ATRX: variants seen among roughly 807,000 people sequenced by gnomAD.
ATRX encodes the protein ATRX chromatin remodeler, also known as chromatin remodeler ATRX.
ATRX carries 12 observed loss-of-function variants against 172.6 expected under a neutral mutation model. The ratio of observed to expected loss-of-function variants is 0.07; its 90% CI spans 0.04 to 0.11. The LOEUF (loss-of-function observed/expected upper bound fraction) is 0.11. Among genes scored for constraint, ATRX ranks in the 10% least tolerant of loss-of-function variants. The pLI is 1.00. For synonymous variants in ATRX, 674 were observed against 594.7 expected (o/e 1.13, Z -1.94); for missense variants, 1,368 against 1,767.4 (o/e 0.77, Z 4.05).
At chrX:77,611,404 T>C (rs192622877) in intron 22 of ATRX, among the ~76,000 whole-genome samples, 2 of 112,241 alleles carry the variant, frequency 1.8e-5, no homozygotes, top group African/African-American at 6.5e-5. Context: ...TCTTTGTAAA[T>C]TTAGTAGTGT....
chrX:77,769,886 AG>A (rs1194579285), intron 1 of ATRX, among the ~76,000 whole-genome samples: 1 of 109,114 alleles, frequency 9.2e-6, no homozygotes, highest in Non-Finnish European at 1.9e-5. Flanking sequence ...CCTTGAGCTC[AG>A]GGGTTCCAGA....
chrX:77,742,781 A>C (rs1237531442), intron 1 of ATRX, among the ~76,000 whole-genome samples: 1 of 111,735 alleles, frequency 8.9e-6, no homozygotes, highest in Non-Finnish European at 1.9e-5. Context: ...TCCAGTCCTC[A>C]GTAGAGCACC....
At position 77,696,630 on chromosome X, in the gene ATRX, T is replaced by C; in HGVS notation, c.317A>G (p.Asp106Gly). 8.3e-7 allele frequency: 1 copy of C among 1,202,586 alleles called. No individual in the cohort carries two copies. Among genetic ancestry groups the C allele is most frequent in the African/African-American group, 1.7e-5 (1 of 57,730 alleles). ...ATTTTCTGAATTTTCATTAGACGCATCTTCATTTACAGTTTCATCATCCAA... is the reference window on the plus strand; with the variant it reads ...ATTTTCTGAATTTTCATTAGACGCACCTTCATTTACAGTTTCATCATCCAA... ...KPLDDETVNEDASNENSENDI... is the reference protein window; with the variant it reads ...KPLDDETVNEGASNENSENDI... Residue 106 changes from aspartate (D) to glycine (G), a missense_variant, in exon 5 of 35, where the codon GAT (aspartate) becomes GGT (glycine). Coordinates refer to ENST00000373344, the MANE Select transcript of ATRX (RefSeq NM_000489.6).
At chrX:77,639,366 G>C (rs2068544340) in intron 15 of ATRX, among the ~76,000 whole-genome samples, 1 of 111,970 alleles carries the variant, frequency 8.9e-6, no homozygotes, top group Non-Finnish European at 1.9e-5. Flanking sequence ...AAGGACCTAA[G>C]TGTAATAACT....
At chrX:77,710,502 G>C (rs2073057823) in intron 2 of ATRX, among the ~76,000 whole-genome samples, 1 of 110,240 alleles carries the variant, frequency 9.1e-6, no homozygotes, top group Admixed American at 9.7e-5. Context: ...TTTCCTTTGA[G>C]TGTCATGTCA....
At chrX:77,611,220 T>C (rs781836121) in intron 22 of ATRX, among the ~76,000 whole-genome samples, 2 of 111,505 alleles carry the variant, frequency 1.8e-5, no homozygotes, top group East Asian at 5.6e-4. Context: ...AAACAAACCC[T>C]GAGATTAACA....
chrX:77,766,980 G>T (rs1370514388), intron 1 of ATRX, among the ~76,000 whole-genome samples: 2 of 112,550 alleles, frequency 1.8e-5, no homozygotes, highest in East Asian at 5.6e-4. Flanking sequence ...CACCTCGGGA[G>T]GCCGAGGCTG....
chrX:77,693,828 G>T lies in ATRX; in HGVS notation c.480C>A (p.Arg160=). The change falls in exon 6 of 35, where the codon CGC becomes CGA. Residue 160 remains arginine (R), a synonymous_variant. Transcript: ENST00000373344. ...SKMKTENLKK[R]GEDGLHGIVS... ...TTCATTTTCACTTGTATTTACCTCC[G>T]CGTTTTTTGAGATTTTCAGTTTTCA... is the stretch of plus-strand genomic sequence containing the variant. The T allele has an allele frequency of 2.5e-6, 3 of 1,197,515 alleles. No homozygotes were observed. The highest frequency in any genetic ancestry group is 3.4e-6 in the Non-Finnish European group (3 of 883,243).
intron 28 of ATRX, 57 bp downstream of exon 28, chrX:77,574,193 G>C (rs1422458206): frequency 7.3e-5 from 60 of 821,752 alleles, no homozygotes; most frequent in Non-Finnish European, 9.1e-5. Flanking sequence ...TGAACTTTAT[G>C]TAAATTTTAA....
At chrX:77,751,750 C>A (rs185016527) in intron 1 of ATRX, among the ~76,000 whole-genome samples, 83 of 112,172 alleles carry the variant, frequency 7.4e-4, no homozygotes, top group Non-Finnish European at 1.3e-3. Context: ...CCAGTTTTCC[C>A]AGCACCATTT....
intron 12 of ATRX, among the ~76,000 whole-genome samples, chrX:77,657,654 CAAT>C (rs1289190527): frequency 9.0e-6 from 1 of 111,516 alleles, no homozygotes; most frequent in Non-Finnish European, 1.9e-5. Context: ...ATCTCCCTTA[CAAT>C]TACTAAATGT....
At chrX:77,752,949 C>T (rs1358268667) in intron 1 of ATRX, among the ~76,000 whole-genome samples, 1 of 111,412 alleles carries the variant, frequency 9.0e-6, no homozygotes, top group Admixed American at 9.6e-5. Flanking sequence ...GTGTCTCTGA[C>T]AGGTTTTGGT....
In ATRX at chrX:77,648,452, A is replaced by G. The variant is rs781918770; in HGVS notation, c.4557+3662T>C. 7.2e-5 allele frequency among the ~76,000 whole-genome samples: 8 copies of G among 111,631 alleles called. No homozygotes were observed. In the South Asian group the frequency reaches 3.0e-3, roughly 42 times the overall value. ...AACAGTATGCACAGTGGCAAATTTTATACCTTTAAAAATGCATACGTTAAA... is the reference window on the plus strand; with the variant it reads ...AACAGTATGCACAGTGGCAAATTTTGTACCTTTAAAAATGCATACGTTAAA... On this transcript the variant is annotated intron_variant, in intron 15 of 34. Transcript: ENST00000373344.
chrX:77,574,782 C>A (rs782587915), intron 27 of ATRX, among the ~76,000 whole-genome samples: 1 of 111,513 alleles, frequency 9.0e-6, no homozygotes, highest in Non-Finnish European at 1.9e-5. Flanking sequence ...TGCCTTTATT[C>A]ATTCACTGAA....
chrX:77,689,356 T>C lies in ATRX; in HGVS notation c.485-429A>G, dbSNP rs1429939059. On this transcript the variant is annotated intron_variant, in intron 6 of 34. Coordinates refer to ENST00000373344, the MANE Select transcript of ATRX (RefSeq NM_000489.6). ...AAGTATGCCATAAAGGTTTTTATTC[T>C]CATTGGAATTGTCTGCACAGATCCT... 8.0e-5 allele frequency among the ~76,000 whole-genome samples: 9 copies of C among 112,331 alleles called. No homozygotes were observed. The Admixed American group carries it at 8.5e-4, about 11-fold the overall frequency.
chrX:77,627,456 T>C (rs1557103773), intron 19 of ATRX, among the ~76,000 whole-genome samples: 1 of 110,994 alleles, frequency 9.0e-6, no homozygotes, highest in African/African-American at 3.3e-5. Flanking sequence ...CTGGACTTGG[T>C]GGCTCACACC....
intron 27 of ATRX, among the ~76,000 whole-genome samples, chrX:77,579,748 C>T (rs1479992808): frequency 1.8e-5 from 2 of 111,874 alleles, no homozygotes; most frequent in African/African-American, 6.5e-5. Context: ...TCTTCAATGC[C>T]AAGACACCAA....
intron 30 of ATRX, among the ~76,000 whole-genome samples, chrX:77,527,524 T>C (rs781813614): frequency 8.9e-6 from 1 of 112,126 alleles, no homozygotes; most frequent in East Asian, 2.8e-4. Context: ...CACCAGGACC[T>C]TGGGTCTGAT....
At chrX:77,591,157 C>A (rs1427398333) in intron 26 of ATRX, among the ~76,000 whole-genome samples, 1 of 111,752 alleles carries the variant, frequency 8.9e-6, no homozygotes, top group African/African-American at 3.2e-5. Context: ...TAAAAGCAAG[C>A]TGTTTTAGGC....
Sources: allele counts gnomAD v4.1 joint callset (sites outside exome capture counted in the v4.1 genomes callset), GRCh38; gene constraint gnomAD v4.1.1; transcripts MANE v1.5; gene names NCBI Gene and HGNC (gene_info 2026-07-23, HGNC 2026-07-21).